The following RFC5 variants were observed in gnomAD, a reference collection of about 807,000 sequenced individuals.
The protein encoded by RFC5 is replication factor C subunit 5, also known as A1 36 kDa subunit.
A neutral mutation model predicts 44.3 loss-of-function variants in RFC5; 26 were observed. That is an observed-to-expected ratio of 0.59 (90% CI 0.43 to 0.81). The LOEUF (loss-of-function observed/expected upper bound fraction) is 0.81, where lower values mean the gene tolerates loss of function less well. Ranked by LOEUF, RFC5 falls within the 40% of genes least tolerant of loss-of-function variation. The pLI, the probability that RFC5 is intolerant of heterozygous loss-of-function variation, is 0.00. For synonymous variants in RFC5, 155 were observed against 155.2 expected (o/e 1.00, Z 0.01); for missense variants, 328 against 418.6 (o/e 0.78, Z 1.89).
Position 118,031,684 on chromosome 12 carries a change from A to G in RFC5, c.*406A>G, listed in dbSNP as rs1467135371. 6.5e-6 allele frequency: 1 copy of G among 152,888 alleles called. No homozygotes were observed. Among genetic ancestry groups the G allele is most frequent in the Non-Finnish European group, 1.5e-5 (1 of 68,538 alleles). 9.5% of individuals were successfully genotyped at this position (152,888 alleles called of 1,614,324 possible). A position where few individuals can be genotyped will look rare whatever the true frequency, so the allele number is the denominator to read the frequency against. On this transcript the variant is annotated 3_prime_UTR_variant, in exon 11 of 11. Transcript: ENST00000454402. The stretch of plus-strand genomic sequence containing the variant: ...AGGTAAACATTATCTCCAAAATTAC[A>G]TTTATGATTCTAATATTTGGCATTG...
At position 118,019,654 on chromosome 12, in the gene RFC5, C is replaced by T. The variant is rs760804261; in HGVS notation, c.153C>T (p.Asp51=). The change falls in exon 3 of 11, where the codon GAC becomes GAT. Residue 51 remains aspartate, a synonymous_variant. Transcript: ENST00000454402. This position sits in a 1 kb window ranked among gnomAD's most constrained non-coding sequence, Gnocchi z 4.2. The part of the protein sequence containing the change: ...LSTIQKFINE[D]RLPHLLLYGP... ...CAGTTCAGAAGTTTATCAATGAAGA[C>T]CGACTGCCACACTTGCTTCTCTACG... 1 of 1,614,086 alleles carries T rather than the reference C, an allele frequency of 6.2e-7. No homozygotes were observed. Among genetic ancestry groups the T allele is most frequent in the Non-Finnish European group, 8.5e-7 (1 of 1,179,942 alleles).
chr12:118,022,384 T>C, intron 5 of RFC5, 25 bp downstream of exon 5: 3 of 1,542,648 alleles, frequency 1.9e-6, no homozygotes, highest in Non-Finnish European at 2.7e-6. Context: ...TGTGGAGCGT[T>C]TGGGCTGGTG....
At chr12:118,030,374 T>C (rs985124866) in intron 10 of RFC5, among the ~76,000 whole-genome samples, 2 of 152,138 alleles carry the variant, frequency 1.3e-5, no homozygotes, top group Non-Finnish European at 2.9e-5. Context: ...CCTCATTGCA[T>C]TGTGAATATG....
At chr12:118,033,888 A>T (rs1242469554), downstream of RFC5, 2 of 340,116 alleles carry the variant, frequency 5.9e-6, no homozygotes, top group Non-Finnish European at 1.1e-5. Flanking sequence ...AAACAACATC[A>T]GTAACTGCAC....
At chr12:118,024,443 T>C (rs550769327) in intron 5 of RFC5, among the ~76,000 whole-genome samples, 2 of 152,162 alleles carry the variant, frequency 1.3e-5, no homozygotes, top group South Asian at 4.1e-4. Flanking sequence ...CTTTCTTTTT[T>C]GAGACAGAGT....
rs1038352309 is a variant in RFC5 at position 118,018,968 on chromosome 12, G to A, written c.66-104G>A. ...CCCACCTTGGCCTCCCAAAGTGCTGGGATTACAGGCATGAGCCACTGTGCC... is the reference window on the plus strand; with the variant it reads ...CCCACCTTGGCCTCCCAAAGTGCTGAGATTACAGGCATGAGCCACTGTGCC... On this transcript the variant is annotated intron_variant, in intron 1 of 10. Transcript: ENST00000454402. The A allele has an allele frequency of 4.7e-6, 4 of 852,496 alleles. No homozygotes were observed. In the African/African-American group the frequency reaches 6.7e-5, roughly 14 times the overall value. The allele number at this position is 852,496 out of a possible 1,614,324, so 52.8% of individuals were successfully genotyped here.
chr12:118,025,698 C>A, intron 6 of RFC5, 49 bp from the exon 7 acceptor site: 1 of 1,043,722 alleles, frequency 9.6e-7, no homozygotes, highest in Non-Finnish European at 1.5e-6. Context: ...TTGGTGAATG[C>A]TGGTGCTCTC....
downstream of RFC5, among the ~76,000 whole-genome samples, chr12:118,035,477 T>TG (rs547992650): frequency 8.4e-4 from 128 of 151,846 alleles, 4 homozygotes; most frequent in South Asian, 0.025. Context: ...ATTTGCACAC[T>TG]GGGAAAAAAA....
At chr12:118,034,574 GCT>G (rs368693869), downstream of RFC5, 13 of 529,494 alleles carry the variant, frequency 2.5e-5, no homozygotes, top group Non-Finnish European at 4.2e-5. Context: ...ATACCAAAGC[GCT>G]CTCTCTGTCT....
At chr12:118,022,195 G>T (rs937505432) in intron 4 of RFC5, 91 bp from the exon 5 acceptor site, 1 of 1,012,092 alleles carries the variant, frequency 9.9e-7, no homozygotes, top group Non-Finnish European at 1.6e-6. Context: ...CTGAGACAGG[G>T]CCCGATGGCA....
At chr12:118,038,226 C>A in the RFC5 span, 1 of 1,508,740 alleles carries the variant, frequency 6.6e-7, no homozygotes, top group Non-Finnish European at 9.0e-7. Context: ...CTCACACACA[C>A]CAGGCCACCA....
intron 4 of RFC5, 57 bp from the exon 5 acceptor site, chr12:118,022,228 GC>G: frequency 7.5e-7 from 1 of 1,341,424 alleles, no homozygotes. Context: ...ATAGGTTTGA[GC>G]CCAGATGTTG....
At chr12:118,030,615 C>T (rs561165804) in intron 10 of RFC5, among the ~76,000 whole-genome samples, 24 of 152,126 alleles carry the variant, frequency 1.6e-4, no homozygotes, top group Non-Finnish European at 3.1e-4. Flanking sequence ...AAGTTAAGTT[C>T]AGAACACCGC....
chr12:118,024,124 G>C (rs1186955444), intron 5 of RFC5, among the ~76,000 whole-genome samples: 2 of 152,086 alleles, frequency 1.3e-5, no homozygotes, highest in African/African-American at 4.8e-5. Context: ...GGCGAATCAT[G>C]AGGTCAGGAG....
chr12:118,023,408 AG>A (rs1566123886), intron 5 of RFC5, among the ~76,000 whole-genome samples: 1 of 24,072 alleles, frequency 4.2e-5, no homozygotes, highest in African/African-American at 3.0e-4. Flanking sequence ...GGGGAGGAGG[AG>A]GAGGGGGGAG....
downstream of RFC5, chr12:118,032,615 A>C (rs567232488): frequency 6.6e-6 from 1 of 152,254 alleles, no homozygotes; most frequent in Admixed American, 6.5e-5. Context: ...CCACAGAACC[A>C]CAGGTAAATG....
chr12:118,019,292 A>G lies in RFC5; in HGVS notation c.130+156A>G, dbSNP rs982897681. Among the ~76,000 whole-genome samples, 7 of 152,186 alleles carry G rather than the reference A, an allele frequency of 4.6e-5. No homozygotes were observed. The highest frequency in any genetic ancestry group is 1.7e-4 in the African/African-American group (7 of 41,446). Reference sequence around the variant, plus strand: ...ATTCATTCATTTTCTTCAGGTTGCTACAGTCCAGTGGGTAAGTCACAAACA... The same window carrying G: ...ATTCATTCATTTTCTTCAGGTTGCTGCAGTCCAGTGGGTAAGTCACAAACA... On this transcript the variant is annotated intron_variant, in intron 2 of 10. Coordinates refer to ENST00000454402, the MANE Select transcript of RFC5 (RefSeq NM_007370.7). The surrounding 1 kb of genome is among the most constrained non-coding windows in gnomAD (Gnocchi z 4.2).
intron 1 of RFC5, chr12:118,017,975 C>T (rs1301686747): frequency 1.4e-6 from 1 of 696,286 alleles, no homozygotes; most frequent in Non-Finnish European, 2.6e-6. Flanking sequence ...CAGTTACTCC[C>T]CATTCTCCCC....
intron 9 of RFC5, among the ~76,000 whole-genome samples, chr12:118,028,603 A>G (rs2031115204): frequency 6.6e-6 from 1 of 151,684 alleles, no homozygotes; most frequent in South Asian, 2.1e-4. Flanking sequence ...AGGGGTTTAT[A>G]TTTTATAGCA....
Sources: allele counts gnomAD v4.1 joint callset (sites outside exome capture counted in the v4.1 genomes callset), GRCh38; gene constraint gnomAD v4.1.1; non-coding constraint Gnocchi (gnomAD v3.1); transcripts MANE v1.5; gene names NCBI Gene and HGNC (gene_info 2026-07-23, HGNC 2026-07-21).